RFX6: variants seen among roughly 807,000 people sequenced by gnomAD.
RFX6 encodes DNA-binding protein RFX6.
A neutral mutation model predicts 110.8 loss-of-function variants in RFX6; 50 were observed. The observed-to-expected ratio is 0.45, with a 90% CI of 0.36 to 0.57. The LOEUF (loss-of-function observed/expected upper bound fraction) is 0.57. RFX6 is among the 20% of genes least tolerant of loss of function. The probability of loss-of-function intolerance (pLI) is 0.00; values close to 1 mark genes in which losing one functional copy is unlikely to be tolerated. For missense variants in RFX6, 990 were observed against 1,127.0 expected (o/e 0.88, Z 1.74); for synonymous variants, 383 against 411.2 (o/e 0.93, Z 0.83).
intron 6 of RFX6, among the ~76,000 whole-genome samples, chr6:116,901,800 T>C (rs533643835): frequency 7.1e-6 from 1 of 140,984 alleles, no homozygotes; most frequent in East Asian, 2.1e-4. Flanking sequence ...GAAGGGACAA[T>C]ATCTAGTGAA....
intron 11 of RFX6, among the ~76,000 whole-genome samples, chr6:116,920,000 T>A (rs1481767460): frequency 6.6e-6 from 1 of 152,182 alleles, no homozygotes; most frequent in African/African-American, 2.4e-5. Context: ...TTTCTTTTTC[T>A]ATTTTTTATT....
In RFX6 at chr6:116,927,095, C is replaced by G; in HGVS notation, c.1954C>G (p.Arg652Gly). Residue 652 changes from arginine (R) to glycine (G), a missense_variant, in exon 17 of 19, where the codon CGA (arginine) becomes GGA (glycine). Arg to Gly is a moderately radical substitution (Grantham distance 125). Transcript: ENST00000332958. The stretch of plus-strand genomic sequence containing the variant: ...ACCCATTTCTCCAGCCATGGCAAGC[C>G]GAGGAAGTGTCATTAACCAAGGACC... Reference protein sequence around the residue: ...TPPISPAMASRGSVINQGPMA... With the variant: ...TPPISPAMASGGSVINQGPMA... 1 of 1,614,000 alleles carries G rather than the reference C, an allele frequency of 6.2e-7. No individual in the cohort carries two copies. Among genetic ancestry groups the G allele is most frequent in the East Asian group, 2.2e-5 (1 of 44,874 alleles).
At chr6:116,886,316 T>G (rs940633246) in intron 4 of RFX6, among the ~76,000 whole-genome samples, 2 of 152,194 alleles carry the variant, frequency 1.3e-5, no homozygotes, top group Non-Finnish European at 2.9e-5. Flanking sequence ...CTAGAGTATG[T>G]CCAGTCATCT....
chr6:116,906,707 T>G (rs1239544362), intron 6 of RFX6, among the ~76,000 whole-genome samples: 2 of 151,900 alleles, frequency 1.3e-5, no homozygotes, highest in Non-Finnish European at 2.9e-5. Flanking sequence ...GCATGCTGAC[T>G]TTGAATCCTG....
chr6:116,904,381 T>A (rs911135727), intron 6 of RFX6, among the ~76,000 whole-genome samples: 1 of 152,116 alleles, frequency 6.6e-6, no homozygotes, highest in East Asian at 1.9e-4. Context: ...ACTTTTTATA[T>A]CTTGTTTTTT....
intron 4 of RFX6, among the ~76,000 whole-genome samples, chr6:116,888,061 G>A (rs1000946797): frequency 5.9e-5 from 9 of 152,030 alleles, no homozygotes; most frequent in East Asian, 5.8e-4. Flanking sequence ...AAACTGATAC[G>A]GCAGCTGCTC....
chr6:116,879,431 G>A (rs1774539009), intron 2 of RFX6, among the ~76,000 whole-genome samples: 1 of 151,710 alleles, frequency 6.6e-6, no homozygotes, highest in African/African-American at 2.4e-5. Flanking sequence ...TATGTCAACT[G>A]ATTTTATGTA....
At chr6:116,912,481 C>T (rs149415790) in intron 7 of RFX6, among the ~76,000 whole-genome samples, 1,689 of 152,212 alleles carry the variant, frequency 0.011, 29 homozygotes, top group Admixed American at 0.041. Context: ...AAGGTTATCA[C>T]ATAATTTTTA....
chr6:116,877,761 T>C (rs1247912413), intron 1 of RFX6, 35 bp from the exon 2 acceptor site: 1 of 1,609,142 alleles, frequency 6.2e-7, no homozygotes, highest in African/African-American at 1.3e-5. Context: ...TTTTATATTC[T>C]ATTTTTCTTT....
Position 116,928,771 on chromosome 6 carries a change from G to C in RFX6, c.2411G>C (p.Ser804Thr). ...PPNSPNGYYG[S>T]NINYPESHRL... The stretch of plus-strand genomic sequence containing the variant: ...TTTTCTGTTACAGGATACTATGGAA[G>C]CAACATAAACTACCCAGAGTCTCAC... Residue 804 changes from serine to threonine, a missense_variant, in exon 18 of 19, where the codon AGC (serine) becomes ACC (threonine). Transcript: ENST00000332958. 1 of 1,611,666 alleles carries C rather than the reference G, an allele frequency of 6.2e-7. No homozygotes were observed. The highest frequency in any genetic ancestry group is 1.1e-5 in the South Asian group (1 of 91,036).
At chr6:116,896,022 T>C (rs1774937414) in intron 6 of RFX6, among the ~76,000 whole-genome samples, 1 of 152,208 alleles carries the variant, frequency 6.6e-6, no homozygotes, top group Non-Finnish European at 1.5e-5. Flanking sequence ...TTACATAATA[T>C]AAATCCTCCA....
At position 116,893,882 on chromosome 6, in the gene RFX6, G is replaced by A. The variant is rs1010843179; in HGVS notation, c.567-105G>A. 3.9e-6 allele frequency: 3 copies of A among 772,588 alleles called. No individual in the cohort carries two copies. In the Admixed American group the frequency reaches 5.2e-5, roughly 13 times the overall value. 47.9% of individuals were successfully genotyped at this position (772,588 alleles called of 1,614,324 possible). On this transcript the variant is annotated intron_variant, in intron 4 of 18. Coordinates refer to ENST00000332958, the MANE Select transcript of RFX6 (RefSeq NM_173560.4). ...AATGTCAGAAAAGAAAGGTCATCAG[G>A]GTTTGCAGTTCTTATTCATGGTTAT...
rs1582537584 is a variant in RFX6 at position 116,925,654 on chromosome 6, T to C, written c.1880T>C (p.Leu627Pro). 1 of 1,611,866 alleles carries C rather than the reference T, an allele frequency of 6.2e-7. No homozygotes were observed. Among genetic ancestry groups the C allele is most frequent in the African/African-American group, 1.3e-5 (1 of 75,008 alleles). ...GCTGGGAACACAGACAACATGCCGC[T>C]CACAGGTACGCTAAAGAGAACTGCT... ...FPAGNTDNMP[L>P]TGQMELSQIA... Residue 627 changes from leucine (L) to proline (P), a missense_variant, in exon 16 of 19, where the codon CTC becomes CCC. By Grantham distance (98) the Leu-to-Pro change is moderately conservative. This residue lies in a region of RFX6 where 438 missense variants were observed against 441.9 expected (regional missense o/e 0.99). Coordinates refer to ENST00000332958, the MANE Select transcript of RFX6 (RefSeq NM_173560.4).
In RFX6 at chr6:116,915,889, C is replaced by T. The variant is rs1775450916; in HGVS notation, c.781-119C>T. The T allele has an allele frequency of 1.0e-5, 8 of 782,980 alleles. No individual in the cohort carries two copies. The Middle Eastern group carries it at 1.1e-3, about 106-fold the overall frequency. 48.5% of individuals were successfully genotyped at this position (782,980 alleles called of 1,614,324 possible). On this transcript the variant is annotated intron_variant, in intron 7 of 18. Coordinates refer to ENST00000332958, the MANE Select transcript of RFX6 (RefSeq NM_173560.4). The stretch of plus-strand genomic sequence containing the variant: ...TTTGCCTTAATTTTTGAGTCCTCAA[C>T]ATTGAGCATACTGCTTGGTACGTAA...
intron 6 of RFX6, among the ~76,000 whole-genome samples, chr6:116,906,959 A>G (rs1229363281): frequency 6.6e-6 from 1 of 151,934 alleles, no homozygotes; most frequent in Admixed American, 6.6e-5. Flanking sequence ...TCTTTGAGGA[A>G]AAGCTTTCAG....
chr6:116,922,884 A>G (rs1775631950), intron 13 of RFX6, among the ~76,000 whole-genome samples: 1 of 152,212 alleles, frequency 6.6e-6, no homozygotes, highest in Non-Finnish European at 1.5e-5. Flanking sequence ...GTCTAATTCT[A>G]TTAGGAAACA....
intron 4 of RFX6, among the ~76,000 whole-genome samples, chr6:116,886,973 G>A (rs1774711833): frequency 6.6e-6 from 1 of 152,140 alleles, no homozygotes; most frequent in Non-Finnish European, 1.5e-5. Context: ...TGAGGCAGGA[G>A]AATCACTTGA....
intron 7 of RFX6, among the ~76,000 whole-genome samples, chr6:116,912,717 A>C (rs1204475367): frequency 1.3e-5 from 2 of 152,154 alleles, no homozygotes; most frequent in Non-Finnish European, 1.5e-5. Context: ...GGGGGACCAA[A>C]AAGGCAAGCA....
At position 116,927,134 on chromosome 6, in the gene RFX6, C is replaced by A. The variant is rs769010999; in HGVS notation, c.1993C>A (p.Pro665Thr). 1 of 1,614,098 alleles carries A rather than the reference C, an allele frequency of 6.2e-7. No homozygotes were observed. The highest frequency in any genetic ancestry group is 1.1e-5 in the South Asian group (1 of 91,066). ...VINQGPMAGR[P>T]PSVGPVLSAP... ...TAACCAAGGACCAATGGCAGGGAGG[C>A]CCCCAAGTGTGGGCCCAGTACTGTC... The change falls in exon 17 of 19, where the codon CCC becomes ACC. Residue 665 changes from proline to threonine, a missense_variant. By Grantham distance (38) the Pro-to-Thr change is conservative. Coordinates refer to ENST00000332958, the MANE Select transcript of RFX6 (RefSeq NM_173560.4).
Sources: gnomAD v4.1 joint callset for allele counts (sites outside exome capture counted in the v4.1 genomes callset) on GRCh38, gnomAD v4.1.1 for gene constraint, gnomAD v4.1.1 regional missense constraint, MANE v1.5 for transcripts, NCBI Gene and HGNC (gene_info 2026-07-23, HGNC 2026-07-21) for gene names.